Variants in TET2 observed in about 807,000 individuals in gnomAD.
TET2 encodes the protein tet methylcytosine dioxygenase 2, also known as methylcytosine dioxygenase TET2.
TET2 carries 299 observed loss-of-function variants against 142.9 expected under a neutral mutation model. The ratio of observed to expected loss-of-function variants is 2.09; its 90% CI spans 1.90 to 2.30. TET2 has a LOEUF of 2.30. TET2 is among the 30% of genes most tolerant of loss of function. The pLI, the probability that TET2 is intolerant of heterozygous loss-of-function variation, is 0.00. For synonymous variants in TET2, 819 were observed against 849.0 expected (o/e 0.96, Z 0.61); for missense variants, 2,418 against 2,378.0 (o/e 1.02, Z -0.35).
chr4:105,163,935 T>G (rs1158879774), intron 1 of TET2, among the ~76,000 whole-genome samples: 1 of 151,156 alleles, frequency 6.6e-6, no homozygotes, highest in African/African-American at 2.4e-5. Context: ...TCCACAAAAC[T>G]GTACACATTT....
intron 2 of TET2, among the ~76,000 whole-genome samples, chr4:105,222,262 T>G (rs1727876291): frequency 6.6e-6 from 1 of 152,250 alleles, no homozygotes; most frequent in Non-Finnish European, 1.5e-5. Context: ...ATGGTATTTC[T>G]AGTTCTAGAT....
intron 1 of TET2, among the ~76,000 whole-genome samples, chr4:105,156,753 C>A (rs1448024238): frequency 6.6e-6 from 1 of 152,150 alleles, no homozygotes; most frequent in Non-Finnish European, 1.5e-5. Context: ...AAGAAGGGCA[C>A]CCATTAAATA....
intron 2 of TET2, among the ~76,000 whole-genome samples, chr4:105,216,309 G>A (rs1727490166): frequency 6.6e-6 from 1 of 152,014 alleles, no homozygotes; most frequent in Non-Finnish European, 1.5e-5. Flanking sequence ...TTAAAATATT[G>A]CTTTGAATTT....
At chr4:105,269,381 A>G (rs1730838843) in intron 8 of TET2, among the ~76,000 whole-genome samples, 1 of 152,234 alleles carries the variant, frequency 6.6e-6, no homozygotes, top group South Asian at 2.1e-4. Context: ...TGTGACAAAT[A>G]TATATCAAAA....
intron 8 of TET2, among the ~76,000 whole-genome samples, chr4:105,265,474 G>T (rs1730640803): frequency 6.6e-6 from 1 of 152,192 alleles, no homozygotes; most frequent in Non-Finnish European, 1.5e-5. Context: ...ATTTCTAGCT[G>T]ATTGTATATC....
chr4:105,257,260 C>T lies in TET2; in HGVS notation c.3804-2359C>T, dbSNP rs569061046. Among the ~76,000 whole-genome samples, 95 of 152,092 alleles carry T rather than the reference C, an allele frequency of 6.2e-4. 2 individuals are homozygous for T. The South Asian group carries it at 8.7e-3, about 14-fold the overall frequency. On this transcript the variant is annotated intron_variant, in intron 6 of 10. Transcript: ENST00000380013. ...ACTAGCCTGGGCAGCATAGTGAGAC[C>T]CTGTCTCTACAAAAATAAAAATAAA...
At chr4:105,261,111 C>G (rs185657442) in intron 7 of TET2, among the ~76,000 whole-genome samples, 1 of 151,808 alleles carries the variant, frequency 6.6e-6, no homozygotes, top group African/African-American at 2.4e-5. Flanking sequence ...ATGAAGACTT[C>G]TAAGTATAAA....
chr4:105,195,967 C>T lies in TET2; in HGVS notation c.-47+5462C>T, dbSNP rs116187687. Among the ~76,000 whole-genome samples, 309 of 152,304 alleles carry T rather than the reference C, an allele frequency of 2.0e-3. 1 individual carries two copies. The highest frequency in any genetic ancestry group is 7.1e-3 in the African/African-American group (297 of 41,558). ...GCACATACTTGTGCACACTCACACACAATACCCTTCCTTAAGTCCTGCTCA... is the reference window on the plus strand; with the variant it reads ...GCACATACTTGTGCACACTCACACATAATACCCTTCCTTAAGTCCTGCTCA... On this transcript the variant is annotated intron_variant, in intron 2 of 10. Coordinates refer to ENST00000380013, the MANE Select transcript of TET2 (RefSeq NM_001127208.3).
chr4:105,268,390 A>C (rs1436565319), intron 8 of TET2, among the ~76,000 whole-genome samples: 2 of 152,170 alleles, frequency 1.3e-5, no homozygotes, highest in Non-Finnish European at 2.9e-5. Flanking sequence ...AAATTATAGA[A>C]AACTTCAGTA....
At chr4:105,149,045 G>T (rs1027086430) in intron 1 of TET2, among the ~76,000 whole-genome samples, 4 of 152,040 alleles carry the variant, frequency 2.6e-5, no homozygotes, top group African/African-American at 9.7e-5. Flanking sequence ...GTTCTTATTT[G>T]CCCTAAAATT....
At chr4:105,237,402 A>G (rs764203635) in intron 3 of TET2, 51 bp downstream of exon 3, 1 of 1,613,902 alleles carries the variant, frequency 6.2e-7, no homozygotes, top group East Asian at 2.2e-5. Flanking sequence ...AGAATTAGCA[A>G]ATTTATCTTC....
At chr4:105,184,167 A>G (rs1053773214) in intron 1 of TET2, among the ~76,000 whole-genome samples, 2 of 151,978 alleles carry the variant, frequency 1.3e-5, no homozygotes, top group Non-Finnish European at 2.9e-5. Flanking sequence ...TTTATAGGGT[A>G]TTTTCTTCTG....
chr4:105,159,630 C>G (rs928945844), intron 1 of TET2, among the ~76,000 whole-genome samples: 1 of 152,166 alleles, frequency 6.6e-6, no homozygotes, highest in African/African-American at 2.4e-5. Flanking sequence ...GAAACATGAG[C>G]AGATGATGCT....
At chr4:105,242,400 C>G in intron 4 of TET2, 3 of 1,082,902 alleles carry the variant, frequency 2.8e-6, no homozygotes, top group Non-Finnish European at 3.4e-6. Context: ...TTGCCAGCCT[C>G]CTTTTCTAAA....
At position 105,234,310 on chromosome 4, in the gene TET2, G is replaced by A. The variant is rs773565437; in HGVS notation, c.368G>A (p.Arg123His). 3.8e-5 allele frequency: 62 copies of A among 1,613,974 alleles called. 1 individual carries two copies. Among genetic ancestry groups the A allele is most frequent in the Admixed American group, 5.0e-5 (3 of 59,988 alleles). Residue 123 changes from arginine to histidine, a missense_variant, in exon 3 of 11, where the codon CGT (arginine) becomes CAT (histidine). By Grantham distance (29) the Arg-to-His change is conservative (BLOSUM62 0). Coordinates refer to ENST00000380013, the MANE Select transcript of TET2 (RefSeq NM_001127208.3). Reference protein sequence around the residue: ...KQDQKANGERRNFGVSQERNP... With the variant: ...KQDQKANGERHNFGVSQERNP... ...GACCAAAAGGCTAATGGAGAAAGAC[G>A]TAACTTCGGGGTAAGCCAAGAAAGA... is the stretch of plus-strand genomic sequence containing the variant.
At chr4:105,147,430 A>G (rs1177086678) in intron 1 of TET2, 2 of 152,226 alleles carry the variant, frequency 1.3e-5, no homozygotes, top group Admixed American at 6.5e-5. Context: ...CAGAGAGAAC[A>G]CTGATAGGGT....
intron 3 of TET2, chr4:105,240,701 T>G: frequency 9.3e-7 from 1 of 1,080,410 alleles, no homozygotes; most frequent in Non-Finnish European, 1.1e-6. Flanking sequence ...CCCACCCCTA[T>G]CTTCCCACTT....
chr4:105,170,909 C>T (rs1724428532), intron 1 of TET2, among the ~76,000 whole-genome samples: 1 of 152,162 alleles, frequency 6.6e-6, no homozygotes, highest in South Asian at 2.1e-4. Context: ...CTGTGTTCTT[C>T]CTTCTGCTTC....
At position 105,276,850 on chromosome 4, in the gene TET2, G is replaced by T; in HGVS notation, c.*331G>T. On this transcript the variant is annotated 3_prime_UTR_variant, in exon 11 of 11. Coordinates refer to ENST00000380013, the MANE Select transcript of TET2 (RefSeq NM_001127208.3). ...TATGTAAATGTGATCCCCCCCCCCC[G>T]CTTACAACTCTACACATCTGTGACC... The T allele has an allele frequency of 7.0e-6, 1 of 143,592 alleles. No individual in the cohort carries two copies. Among genetic ancestry groups the T allele is most frequent in the South Asian group, 1.3e-4 (1 of 7,962 alleles). 8.9% of individuals were successfully genotyped at this position (143,592 alleles called of 1,614,324 possible).
Sources: gnomAD v4.1 joint callset for allele counts (sites outside exome capture counted in the v4.1 genomes callset) on GRCh38, gnomAD v4.1.1 for gene constraint, MANE v1.5 for transcripts, NCBI Gene and HGNC (gene_info 2026-07-23, HGNC 2026-07-21) for gene names.